The following AKAP6 variants were observed in gnomAD, a reference collection of about 807,000 sequenced individuals.
The protein encoded by AKAP6 is A-kinase anchor protein 6.
AKAP6 carries 58 observed loss-of-function variants against 188.5 expected under a neutral mutation model. The ratio of observed to expected loss-of-function variants is 0.31; its 90% CI spans 0.25 to 0.38. The LOEUF (loss-of-function observed/expected upper bound fraction) is 0.38, where lower values mean the gene tolerates loss of function less well. Among genes scored for constraint, AKAP6 ranks in the 10% least tolerant of loss-of-function variants. AKAP6 has a pLI of 1.00. For synonymous variants in AKAP6, 989 were observed against 998.6 expected (o/e 0.99, Z 0.18); for missense variants, 2,710 against 2,740.0 (o/e 0.99, Z 0.24).
rs548176137 is a variant in AKAP6, at chr14:32,383,195, A to G, written c.-34-50265A>G. Among the ~76,000 whole-genome samples, 3 of 151,868 alleles carry G rather than the reference A, an allele frequency of 2.0e-5. No individual in the cohort carries two copies. In the East Asian group the frequency reaches 5.8e-4, roughly 29 times the overall value. ...TGAAACTACTTCAAAATATAAGCAA[A>G]ATATTTAGTTGTGTAAAAGAAGAAT... On this transcript the variant is annotated intron_variant, in intron 1 of 13. Transcript: ENST00000280979.
At chr14:32,749,198 T>A (rs2032030269) in intron 11 of AKAP6, among the ~76,000 whole-genome samples, 1 of 152,168 alleles carries the variant, frequency 6.6e-6, no homozygotes, top group Admixed American at 6.5e-5. Context: ...CTGAGACTAT[T>A]TATAAATTTA....
chr14:32,689,777 A>G (rs776806492), intron 8 of AKAP6, among the ~76,000 whole-genome samples: 1 of 152,210 alleles, frequency 6.6e-6, no homozygotes, highest in Middle Eastern at 3.4e-3. Flanking sequence ...ATCTATTATT[A>G]GTATTTTACT....
At chr14:32,337,727 C>G (rs1402370863) in intron 1 of AKAP6, among the ~76,000 whole-genome samples, 1 of 142,850 alleles carries the variant, frequency 7.0e-6, no homozygotes, top group African/African-American at 2.6e-5. Flanking sequence ...CCCCCCTCCC[C>G]CCACCCCACA....
rs578057099 is a variant in AKAP6, at chr14:32,682,443, G to A, written c.2879+3984G>A. Among the ~76,000 whole-genome samples, 6 of 152,306 alleles carry A rather than the reference G, an allele frequency of 3.9e-5. No homozygotes were observed. The South Asian group carries it at 6.2e-4, about 16-fold the overall frequency. The stretch of plus-strand genomic sequence containing the variant: ...CACTGCACTCTCTCCAGCATCTGGC[G>A]CAGTGCCTGGCAAGTGCTAGGTACC... On this transcript the variant is annotated intron_variant, in intron 8 of 13. Transcript: ENST00000280979.
At chr14:32,636,553 A>G (rs901709126) in intron 7 of AKAP6, among the ~76,000 whole-genome samples, 1 of 152,050 alleles carries the variant, frequency 6.6e-6, no homozygotes, top group Admixed American at 6.6e-5. Flanking sequence ...TGAGAGAGTG[A>G]CATATAGCTC....
At chr14:32,436,133 A>G (rs1033134004) in intron 2 of AKAP6, among the ~76,000 whole-genome samples, 1 of 152,202 alleles carries the variant, frequency 6.6e-6, no homozygotes, top group Non-Finnish European at 1.5e-5. Context: ...GCCAGCTGTG[A>G]TGGGGCATCT....
chr14:32,641,730 T>A (rs1887766347), intron 7 of AKAP6, among the ~76,000 whole-genome samples: 1 of 152,044 alleles, frequency 6.6e-6, no homozygotes, highest in South Asian at 2.1e-4. Flanking sequence ...AAAGGCCAGT[T>A]TATTTGAGGA....
At chr14:32,510,449 T>TATACACATATATATGTGTATATATATAC (rs1325423492) in intron 2 of AKAP6, among the ~76,000 whole-genome samples, 1 of 21,502 alleles carries the variant, frequency 4.7e-5, no homozygotes, top group African/African-American at 2.2e-4. Flanking sequence ...TATATATATA[T>TATACACATATATATGTGTATATATATAC]ACATATATAT....
chr14:32,457,509 G>C (rs1002576078), intron 2 of AKAP6, among the ~76,000 whole-genome samples: 17 of 152,012 alleles, frequency 1.1e-4, no homozygotes, highest in African/African-American at 4.1e-4. Flanking sequence ...ATGTGCTAGG[G>C]GAGGCTGAAC....
At chr14:32,626,155 C>A (rs1250816722) in intron 7 of AKAP6, among the ~76,000 whole-genome samples, 1 of 152,096 alleles carries the variant, frequency 6.6e-6, no homozygotes, top group Non-Finnish European at 1.5e-5. Context: ...GGACTGCAGA[C>A]TTACTTAGAA....
At chr14:32,730,166 A>G (rs2031102993) in intron 9 of AKAP6, among the ~76,000 whole-genome samples, 1 of 152,198 alleles carries the variant, frequency 6.6e-6, no homozygotes, top group African/African-American at 2.4e-5. Context: ...AAATATTTTC[A>G]CCTTAAATTA....
chr14:32,412,687 C>G (rs1889527322), intron 1 of AKAP6, among the ~76,000 whole-genome samples: 1 of 152,158 alleles, frequency 6.6e-6, no homozygotes, highest in Non-Finnish European at 1.5e-5. Context: ...TTGCTGTGTA[C>G]TTCAAAGGAG....
At chr14:32,826,244 A>G (rs1463684303) in intron 13 of AKAP6, among the ~76,000 whole-genome samples, 1 of 152,182 alleles carries the variant, frequency 6.6e-6, no homozygotes, top group Admixed American at 6.5e-5. Context: ...CCCACTTACT[A>G]ATATAGCTCA....
chr14:32,598,914 G>A (rs185951256), intron 5 of AKAP6, among the ~76,000 whole-genome samples: 93 of 152,256 alleles, frequency 6.1e-4, no homozygotes, highest in African/African-American at 2.0e-3. Flanking sequence ...TGCAACACCT[G>A]AATCTCCAAC....
intron 1 of AKAP6, among the ~76,000 whole-genome samples, chr14:32,383,612 G>A (rs575210170): frequency 6.6e-6 from 1 of 152,300 alleles, no homozygotes; most frequent in Non-Finnish European, 1.5e-5. Context: ...AATATCATGA[G>A]TAATTCTGCA....
At chr14:32,653,097 G>A (rs1236009916) in intron 7 of AKAP6, among the ~76,000 whole-genome samples, 1 of 152,080 alleles carries the variant, frequency 6.6e-6, no homozygotes, top group Admixed American at 6.6e-5. Flanking sequence ...CTTATTTACA[G>A]CCAGGGACAA....
intron 3 of AKAP6, among the ~76,000 whole-genome samples, chr14:32,540,168 C>CTCTCTATATATATATATA (rs1240063339): frequency 4.9e-5 from 3 of 60,918 alleles, no homozygotes; most frequent in African/African-American, 2.9e-4. Context: ...CTCTCTCTCT[C>CTCTCTATATATATATATA]TATATATATA....
At chr14:32,531,178 G>A (rs1336777945) in intron 2 of AKAP6, among the ~76,000 whole-genome samples, 2 of 152,130 alleles carry the variant, frequency 1.3e-5, no homozygotes, top group African/African-American at 4.8e-5. Context: ...AATGTAGAGG[G>A]TCACTTTCCC....
intron 4 of AKAP6, among the ~76,000 whole-genome samples, chr14:32,550,169 C>G (rs113842578): frequency 2.8e-4 from 42 of 152,304 alleles, no homozygotes; most frequent in African/African-American, 1.0e-3. Context: ...ATACCAACTT[C>G]CAATTTGATT....
Sources: allele counts gnomAD v4.1 joint callset (sites outside exome capture counted in the v4.1 genomes callset), GRCh38; gene constraint gnomAD v4.1.1; transcripts MANE v1.5; gene names NCBI Gene and HGNC (gene_info 2026-07-23, HGNC 2026-07-21).